ELMOD3: variants seen among roughly 807,000 people sequenced by gnomAD.
The protein encoded by ELMOD3 is ELMO domain-containing protein 3.
A neutral mutation model predicts 47.4 loss-of-function variants in ELMOD3; 36 were observed. The ratio of observed to expected loss-of-function variants is 0.76; its 90% confidence interval spans 0.58 to 1.00. The LOEUF (loss-of-function observed/expected upper bound fraction) is 1.00. ELMOD3 is among the 50% of genes least tolerant of loss of function. The probability of loss-of-function intolerance (pLI) is 0.00; values close to 1 mark genes in which losing one functional copy is unlikely to be tolerated. For missense variants in ELMOD3, 404 were observed against 463.8 expected (o/e 0.87, Z 1.18); for synonymous variants, 149 against 183.5 (o/e 0.81, Z 1.52).
At chr2:85,354,949 G>A (rs1683443197) in intron 1 of ELMOD3, 120 bp downstream of exon 1, 1 of 162,510 alleles carries the variant, frequency 6.2e-6, no homozygotes, top group South Asian at 1.4e-4. Flanking sequence ...GGCGAGACAA[G>A]GCCGAGAGTT....
At chr2:85,360,748 TA>T in intron 4 of ELMOD3, 1 of 220,340 alleles carries the variant, frequency 4.5e-6, no homozygotes, top group Non-Finnish European at 1.0e-5. Flanking sequence ...TATGGTAACA[TA>T]GGAACAAACT....
Position 85,370,556 on chromosome 2 carries a change from A to G in ELMOD3, c.361-530A>G, listed in dbSNP as rs144866928. The stretch of plus-strand genomic sequence containing the variant: ...AAAAAGATAGGAACCAAGTTGTTTT[A>G]TAGGACCCAGAGAGCCGAAAGCTAC... On this transcript the variant is annotated intron_variant, in intron 8 of 13. Transcript: ENST00000409013. Among the ~76,000 whole-genome samples, 466 of 152,300 alleles carry G rather than the reference A, an allele frequency of 3.1e-3. 1 individual carries two copies. The highest frequency in any genetic ancestry group is 0.01 in the African/African-American group (432 of 41,568).
chr2:85,356,783 G>T, intron 3 of ELMOD3, 184 bp from the exon 4 acceptor site: 1 of 154,158 alleles, frequency 6.5e-6, no homozygotes. Context: ...CGGGAGACTG[G>T]GACAGGAGAA....
At chr2:85,369,682 ATGTT>A in intron 7 of ELMOD3, 53 bp from the exon 8 acceptor site, 3 of 1,580,476 alleles carry the variant, frequency 1.9e-6, no homozygotes, top group Non-Finnish European at 2.6e-6. Context: ...GCCTCAGTAA[ATGTT>A]TGTTGACAGA....
At position 85,354,823 on chromosome 2, in the gene ELMOD3, T is replaced by G. The variant is rs17026280; in HGVS notation, c.-378T>G. ...GGGACCCCCAAGTTTGGAAAGCTCT[T>G]TTAACGGTGAGAACGCGTTAACACT... On this transcript the variant is annotated 5_prime_UTR_variant, in exon 1 of 14. Coordinates refer to ENST00000409013, the MANE Select transcript of ELMOD3 (RefSeq NM_001135022.2). The G allele has an allele frequency of 0.023, 6,295 of 274,668 alleles. 281 individuals carry two copies. Among genetic ancestry groups the G allele is most frequent in the African/African-American group, 0.1 (4,644 of 44,824 alleles). The allele number at this position is 274,668 out of a possible 1,614,324, so 17.0% of individuals were successfully genotyped here. A position where few individuals can be genotyped will look rare whatever the true frequency, so the allele number is the denominator to read the frequency against.
intron 13 of ELMOD3, 85 bp downstream of exon 13, chr2:85,390,350 T>C (rs370463069): frequency 8.6e-5 from 139 of 1,614,068 alleles, no homozygotes; most frequent in Non-Finnish European, 1.1e-4. Context: ...AGACTGGTTT[T>C]GGCTGCAGTT....
chr2:85,367,014 G>A lies in ELMOD3; in HGVS notation c.200-1672G>A, dbSNP rs562847975. On this transcript the variant is annotated intron_variant, in intron 6 of 13. Transcript: ENST00000409013. ...AGCCAGAGAATGACAGCTCTGGTTT[G>A]GAGAAAAGGGCCGGATGGTGGCTCT... Among the ~76,000 whole-genome samples the A allele has an allele frequency of 4.9e-4, 74 of 152,336 alleles. 4 individuals carry two copies. The South Asian group carries it at 0.015, about 30-fold the overall frequency.
chr2:85,361,174 AGT>A (rs893856209), intron 4 of ELMOD3, among the ~76,000 whole-genome samples: 6 of 151,268 alleles, frequency 4.0e-5, no homozygotes, highest in Admixed American at 6.6e-5. Flanking sequence ...CTGTGAAATG[AGT>A]TACAAACAAT....
At chr2:85,364,825 A>ATATTTTTTTTTTTTTTT (rs375582916) in intron 6 of ELMOD3, among the ~76,000 whole-genome samples, 1 of 69,892 alleles carries the variant, frequency 1.4e-5, no homozygotes, top group African/African-American at 6.7e-5. Flanking sequence ...ATATATATAT[A>ATATTTTTTTTTTTTTTT]TTTTTTTTTT....
chr2:85,377,320 G>T, intron 10 of ELMOD3, 24 bp from the exon 11 acceptor site: 1 of 1,565,380 alleles, frequency 6.4e-7, no homozygotes, highest in East Asian at 2.3e-5. Context: ...GCCACACCCT[G>T]TTTCCTCACG....
chr2:85,363,126 C>T lies in ELMOD3; in HGVS notation c.159C>T (p.Leu53=). The change falls in exon 6 of 14, where the codon CTC becomes CTT. Residue 53 remains leucine (L), a synonymous_variant. Transcript: ENST00000409013. ...PISELKNHGI[L]QALTTEAYEW... is the part of the protein sequence containing the mutation. ...CAGAGTTGAAGAACCATGGCATTCT[C>T]CAGGCTCTGACCACAGAAGCTTATG... is the stretch of plus-strand genomic sequence containing the variant. 1 of 1,612,666 alleles carries T rather than the reference C, an allele frequency of 6.2e-7. No homozygotes were observed. Among genetic ancestry groups the T allele is most frequent in the Non-Finnish European group, 8.5e-7 (1 of 1,178,812 alleles).
intron 6 of ELMOD3, among the ~76,000 whole-genome samples, chr2:85,366,264 C>T (rs909246422): frequency 2.0e-5 from 3 of 152,116 alleles, no homozygotes; most frequent in Non-Finnish European, 4.4e-5. Context: ...AGCCACCGCA[C>T]CCGGCCTACT....
At chr2:85,364,819 ATATATATTT>A (rs1445157088) in intron 6 of ELMOD3, among the ~76,000 whole-genome samples, 69 of 88,440 alleles carry the variant, frequency 7.8e-4, no homozygotes, top group African/African-American at 3.6e-3. Flanking sequence ...ATATATATAT[ATATATATTT>A]TTTTTTTTTT....
At chr2:85,364,001 T>C (rs1412048899) in intron 6 of ELMOD3, among the ~76,000 whole-genome samples, 2 of 152,132 alleles carry the variant, frequency 1.3e-5, no homozygotes, top group Non-Finnish European at 2.9e-5. Flanking sequence ...TAGTGGTGTG[T>C]GCCTGTAATT....
chr2:85,369,881 G>C, intron 8 of ELMOD3, 51 bp downstream of exon 8: 1 of 1,602,902 alleles, frequency 6.2e-7, no homozygotes, highest in Middle Eastern at 1.7e-4. Flanking sequence ...TTTTCCCTAG[G>C]AGCCAAGCCT....
rs576363454 is a variant in ELMOD3 at position 85,390,648 on chromosome 2, C to G, written c.944-112C>G. The G allele has an allele frequency of 1.5e-5, 22 of 1,487,548 alleles. No individual in the cohort carries two copies. In the African/African-American group the frequency reaches 2.0e-4, roughly 13 times the overall value. The allele number at this position is 1,487,548 out of a possible 1,614,324, so 92.1% of individuals were successfully genotyped here. On this transcript the variant is annotated intron_variant, in intron 13 of 13. Transcript: ENST00000409013. ...CATCTGAGGCTCCTTCACTTTCTCT[C>G]CATGGGATAGGGGTTGGGGGTACTC...
At chr2:85,364,061 G>A (rs1364176213) in intron 6 of ELMOD3, among the ~76,000 whole-genome samples, 1 of 152,082 alleles carries the variant, frequency 6.6e-6, no homozygotes, top group East Asian at 1.9e-4. Flanking sequence ...CCCAGGAGGT[G>A]GAGGTTGCAG....
At chr2:85,383,861 A>G (rs1444400127) in intron 11 of ELMOD3, among the ~76,000 whole-genome samples, 1 of 152,164 alleles carries the variant, frequency 6.6e-6, no homozygotes, top group Admixed American at 6.5e-5. Context: ...TGTTTTTCCA[A>G]GGTTGGGAAT....
At chr2:85,364,825 A>ATATATATATATTTTTTTTTTTTTTTT (rs375582916) in intron 6 of ELMOD3, among the ~76,000 whole-genome samples, 1 of 69,892 alleles carries the variant, frequency 1.4e-5, no homozygotes, top group African/African-American at 6.7e-5. Flanking sequence ...ATATATATAT[A>ATATATATATATTTTTTTTTTTTTTTT]TTTTTTTTTT....
Sources: gnomAD v4.1 joint callset for allele counts (sites outside exome capture counted in the v4.1 genomes callset) on GRCh38, gnomAD v4.1.1 for gene constraint, MANE v1.5 for transcripts, NCBI Gene and HGNC (gene_info 2026-07-23, HGNC 2026-07-21) for gene names.